Variants in MRTFA observed in about 807,000 individuals in gnomAD.
MRTFA encodes the protein myocardin-related transcription factor A.
In MRTFA, 20 loss-of-function variants were observed where a neutral mutation model predicts 83.5. That is an observed-to-expected ratio of 0.24 (90% CI 0.17 to 0.35). The LOEUF is 0.35. Among genes scored for constraint, MRTFA ranks in the 10% least tolerant of loss-of-function variants. The pLI is 1.00. For synonymous variants in MRTFA, 659 were observed against 541.2 expected (o/e 1.22, Z -3.02); for missense variants, 1,200 against 1,224.7 (o/e 0.98, Z 0.30).
At chr22:40,519,675 AT>A in intron 3 of MRTFA, 1 of 1,156,664 alleles carries the variant, frequency 8.6e-7, no homozygotes, top group Non-Finnish European at 1.1e-6. Context: ...CTTAAAAAAA[AT>A]GTTATAACAA....
chr22:40,535,554 T>C (rs912313657), intron 3 of MRTFA, among the ~76,000 whole-genome samples: 1 of 152,000 alleles, frequency 6.6e-6, no homozygotes, highest in Non-Finnish European at 1.5e-5. Flanking sequence ...GGTTTCACCA[T>C]GTTGCCCAGG....
intron 3 of MRTFA, among the ~76,000 whole-genome samples, chr22:40,471,431 T>C (rs1602298498): frequency 1.3e-5 from 2 of 151,646 alleles, no homozygotes; most frequent in African/African-American, 4.8e-5. Context: ...AGAAATGCAA[T>C]GGTCAAATTC....
At chr22:40,581,443 A>C (rs2055946271) in intron 2 of MRTFA, among the ~76,000 whole-genome samples, 1 of 151,980 alleles carries the variant, frequency 6.6e-6, no homozygotes, top group Non-Finnish European at 1.5e-5. Context: ...CAATTTACAC[A>C]CCCATCAGCA....
intron 3 of MRTFA, among the ~76,000 whole-genome samples, chr22:40,524,160 T>A (rs566980763): frequency 3.7e-4 from 57 of 152,248 alleles, no homozygotes; most frequent in African/African-American, 1.3e-3. Context: ...CTGGGCCTAG[T>A]GATGTGCACT....
At chr22:40,440,655 G>A (rs1299474309) in intron 4 of MRTFA, among the ~76,000 whole-genome samples, 1 of 152,180 alleles carries the variant, frequency 6.6e-6, no homozygotes, top group Admixed American at 6.5e-5. Flanking sequence ...GTGCACTGGG[G>A]TTTGAGGTGG....
chr22:40,582,142 C>T (rs1305327661), intron 2 of MRTFA, among the ~76,000 whole-genome samples: 1 of 152,166 alleles, frequency 6.6e-6, no homozygotes, highest in Non-Finnish European at 1.5e-5. Context: ...CTATTCTGGA[C>T]ATTTCACATA....
intron 3 of MRTFA, among the ~76,000 whole-genome samples, chr22:40,542,146 T>G (rs773783025): frequency 1.4e-5 from 2 of 138,402 alleles, no homozygotes; most frequent in African/African-American, 4.9e-5. Context: ...TCCACTGATA[T>G]ACTGGTACTC....
intron 3 of MRTFA, among the ~76,000 whole-genome samples, chr22:40,525,546 A>G (rs1238919137): frequency 6.6e-6 from 1 of 152,206 alleles, no homozygotes. Flanking sequence ...TACAATGTAC[A>G]CTTATGAAAG....
At chr22:40,614,206 A>AAAATAAAT (rs906050487) in intron 1 of MRTFA, among the ~76,000 whole-genome samples, 27 of 151,344 alleles carry the variant, frequency 1.8e-4, no homozygotes, top group African/African-American at 5.8e-4. Flanking sequence ...CTGTCTCAAA[A>AAAATAAAT]AAATAAATAA....
At chr22:40,424,081 A>C in intron 8 of MRTFA, 125 bp downstream of exon 8, 1 of 1,077,184 alleles carries the variant, frequency 9.3e-7, no homozygotes, top group Non-Finnish European at 1.3e-6. Flanking sequence ...CTAAGCAACT[A>C]GGGTAGCATC....
At chr22:40,449,129 T>C (rs937914153) in intron 4 of MRTFA, among the ~76,000 whole-genome samples, 1 of 151,246 alleles carries the variant, frequency 6.6e-6, no homozygotes, top group East Asian at 1.9e-4. Flanking sequence ...TAGCCGGGCG[T>C]GGTGGCGGGT....
At chr22:40,575,562 G>C (rs1006065924) in intron 2 of MRTFA, among the ~76,000 whole-genome samples, 3 of 152,144 alleles carry the variant, frequency 2.0e-5, no homozygotes, top group African/African-American at 7.2e-5. Context: ...CCACATCTTT[G>C]AATCAAAAGG....
At chr22:40,478,360 CAT>C (rs987854686) in intron 3 of MRTFA, among the ~76,000 whole-genome samples, 5 of 152,042 alleles carry the variant, frequency 3.3e-5, no homozygotes, top group Non-Finnish European at 7.4e-5. Flanking sequence ...ACAAATGTAC[CAT>C]AGTTATGTAA....
chr22:40,502,511 C>A (rs1203243772), intron 3 of MRTFA, among the ~76,000 whole-genome samples: 1 of 138,488 alleles, frequency 7.2e-6, no homozygotes, highest in African/African-American at 2.7e-5. Flanking sequence ...ATGGCGGCTG[C>A]GCTCCTCACT....
intron 4 of MRTFA, among the ~76,000 whole-genome samples, chr22:40,449,253 C>T (rs1218787357): frequency 1.5e-5 from 2 of 135,998 alleles, no homozygotes; most frequent in East Asian, 2.1e-4. Context: ...GGTGACAGAA[C>T]GAGACTCGGT....
intron 4 of MRTFA, among the ~76,000 whole-genome samples, chr22:40,459,838 T>TATATATAC (rs2053675277): frequency 7.6e-6 from 1 of 132,444 alleles, no homozygotes; most frequent in South Asian, 2.6e-4. Context: ...TACATATATA[T>TATATATAC]ATATATATAT....
At chr22:40,489,877 G>C (rs1346795538) in intron 3 of MRTFA, among the ~76,000 whole-genome samples, 2 of 151,268 alleles carry the variant, frequency 1.3e-5, no homozygotes, top group Non-Finnish European at 2.9e-5. Context: ...TACTCGGGAG[G>C]CTGAGGCAAG....
At chr22:40,459,888 G>A (rs2053679783) in intron 4 of MRTFA, among the ~76,000 whole-genome samples, 4 of 121,414 alleles carry the variant, frequency 3.3e-5, no homozygotes, top group African/African-American at 9.7e-5. Context: ...ACTTTCTCAA[G>A]GAGATCATAG....
intron 3 of MRTFA, among the ~76,000 whole-genome samples, chr22:40,502,317 A>G (rs1488490165): frequency 2.8e-5 from 3 of 105,880 alleles, no homozygotes; most frequent in Non-Finnish European, 5.7e-5. Flanking sequence ...GGTGGTTGCC[A>G]GGCAGAGGGT....
Sources: allele counts gnomAD v4.1 joint callset (sites outside exome capture counted in the v4.1 genomes callset), GRCh38; gene constraint gnomAD v4.1.1; transcripts MANE v1.5; gene names NCBI Gene and HGNC (gene_info 2026-07-23, HGNC 2026-07-21).